Variants in HDAC9 observed in about 807,000 individuals in gnomAD.
The protein encoded by HDAC9 is MEF-2 interacting transcription repressor (MITR) protein.
A neutral mutation model predicts 139.4 loss-of-function variants in HDAC9; 41 were observed. The ratio of observed to expected loss-of-function variants is 0.29; its 90% CI spans 0.23 to 0.38. The LOEUF (loss-of-function observed/expected upper bound fraction) is 0.38, where lower values mean the gene tolerates loss of function less well. Among genes scored for constraint, HDAC9 ranks in the 10% least tolerant of loss-of-function variants. HDAC9 has a pLI of 1.00. For synonymous variants in HDAC9, 517 were observed against 476.2 expected, an observed-to-expected ratio of 1.09 and a Z score of -1.12; for missense variants, 1,147 against 1,297.0, an observed-to-expected ratio of 0.88 and a Z score of 1.78.
At chr7:18,415,674 A>G (rs1228774869) in intron 1 of HDAC9, among the ~76,000 whole-genome samples, 2 of 152,230 alleles carry the variant, frequency 1.3e-5, no homozygotes, top group Admixed American at 6.5e-5. Context: ...CCTGAACAGT[A>G]TATGAGAATG....
chr7:18,191,113 A>C (rs1790324563), intron 2 of HDAC9, among the ~76,000 whole-genome samples: 2 of 152,182 alleles, frequency 1.3e-5, no homozygotes, highest in Admixed American at 1.3e-4. Context: ...TTAACCATTA[A>C]TACCCTACTG....
intron 22 of HDAC9, among the ~76,000 whole-genome samples, chr7:18,921,864 G>C (rs1185601448): frequency 6.6e-6 from 1 of 152,066 alleles, no homozygotes; most frequent in East Asian, 1.9e-4. Flanking sequence ...TTAAGAAAAT[G>C]TGGCACATAT....
intron 2 of HDAC9, among the ~76,000 whole-genome samples, chr7:18,237,453 A>C (rs1297558301): frequency 1.3e-5 from 2 of 152,200 alleles, no homozygotes; most frequent in African/African-American, 4.8e-5. Flanking sequence ...TATTTCGAAT[A>C]AATGGGTGAT....
chr7:18,965,805 C>T (rs1035078798), intron 24 of HDAC9, among the ~76,000 whole-genome samples: 1 of 152,164 alleles, frequency 6.6e-6, no homozygotes, highest in Non-Finnish European at 1.5e-5. Flanking sequence ...AAAAACTCTC[C>T]AGGGGCACTG....
chr7:18,978,243 G>T (rs1487542102), intron 25 of HDAC9, among the ~76,000 whole-genome samples: 1 of 152,150 alleles, frequency 6.6e-6, no homozygotes, highest in Non-Finnish European at 1.5e-5. Context: ...TTGGTGTTTG[G>T]AGTGAGATGA....
intron 17 of HDAC9, among the ~76,000 whole-genome samples, chr7:18,806,003 G>A (rs1793675159): frequency 6.6e-6 from 1 of 152,164 alleles, no homozygotes; most frequent in Admixed American, 6.5e-5. Context: ...GGTCAGCTGA[G>A]GAGTTGGGGA....
intron 11 of HDAC9, among the ~76,000 whole-genome samples, chr7:18,661,661 A>G (rs946615915): frequency 1.5e-4 from 23 of 152,200 alleles, no homozygotes; most frequent in African/African-American, 5.3e-4. Flanking sequence ...AGCATTTTAT[A>G]TCTATATGTT....
intron 16 of HDAC9, among the ~76,000 whole-genome samples, chr7:18,778,769 C>T (rs887820106): frequency 6.6e-6 from 1 of 152,002 alleles, no homozygotes; most frequent in Non-Finnish European, 1.5e-5. Flanking sequence ...AGATGTAGCC[C>T]TTTCGCCAGA....
At chr7:18,883,482 T>A (rs929373558) in intron 22 of HDAC9, among the ~76,000 whole-genome samples, 2 of 152,110 alleles carry the variant, frequency 1.3e-5, no homozygotes, top group African/African-American at 4.8e-5. Flanking sequence ...TTTGACAAAT[T>A]CAATGTCCTT....
chr7:18,186,230 C>T (rs1359012211), intron 2 of HDAC9, among the ~76,000 whole-genome samples: 1 of 152,204 alleles, frequency 6.6e-6, no homozygotes, highest in Non-Finnish European at 1.5e-5. Flanking sequence ...AGCGCTAACC[C>T]TCTGTGAAGA....
At chr7:18,969,563 T>G (rs1248620522) in intron 24 of HDAC9, among the ~76,000 whole-genome samples, 1 of 151,864 alleles carries the variant, frequency 6.6e-6, no homozygotes, top group Non-Finnish European at 1.5e-5. Context: ...GGCAAATCAA[T>G]AAACAGAAAC....
At chr7:18,142,973 A>G (rs1222121765) in intron 1 of HDAC9, among the ~76,000 whole-genome samples, 1 of 152,156 alleles carries the variant, frequency 6.6e-6, no homozygotes, top group Non-Finnish European at 1.5e-5. Context: ...TGTGAGATAT[A>G]TTCAGTCCCT....
intron 2 of HDAC9, among the ~76,000 whole-genome samples, chr7:18,276,448 C>G (rs1158049714): frequency 6.6e-6 from 1 of 152,128 alleles, no homozygotes; most frequent in Non-Finnish European, 1.5e-5. Flanking sequence ...TTTGTGTCAG[C>G]TTCTTGATAT....
chr7:18,836,250 T>C (rs1044368699), intron 21 of HDAC9, among the ~76,000 whole-genome samples: 4 of 152,198 alleles, frequency 2.6e-5, no homozygotes, highest in Admixed American at 6.5e-5. Context: ...AATAGTTCTC[T>C]CTGGAAAATT....
At chr7:18,240,555 G>A (rs761163538) in intron 2 of HDAC9, among the ~76,000 whole-genome samples, 10 of 152,180 alleles carry the variant, frequency 6.6e-5, no homozygotes, top group East Asian at 1.9e-4. Context: ...TCTCACAGTC[G>A]TCTCCTAATT....
At chr7:18,553,344 C>T (rs953595735) in intron 2 of HDAC9, among the ~76,000 whole-genome samples, 21 of 152,166 alleles carry the variant, frequency 1.4e-4, no homozygotes, top group African/African-American at 5.1e-4. Context: ...GGGTGCTTTT[C>T]CCCCCTCAAG....
chr7:18,262,332 G>A (rs1337331893), intron 2 of HDAC9, among the ~76,000 whole-genome samples: 1 of 152,192 alleles, frequency 6.6e-6, no homozygotes, highest in African/African-American at 2.4e-5. Flanking sequence ...ACAGTGGCAT[G>A]ACATATTCAA....
intron 3 of HDAC9, among the ~76,000 whole-genome samples, chr7:18,586,581 A>G (rs1313191024): frequency 6.6e-6 from 1 of 152,098 alleles, no homozygotes; most frequent in Non-Finnish European, 1.5e-5. Flanking sequence ...TACCACATTA[A>G]TATGACAGTT....
At chr7:18,261,225 T>G (rs1021555040) in intron 2 of HDAC9, among the ~76,000 whole-genome samples, 2 of 152,100 alleles carry the variant, frequency 1.3e-5, no homozygotes, top group Non-Finnish European at 2.9e-5. Context: ...AGAGGATTGG[T>G]TGAGCCTGGA....
Sources: allele counts gnomAD v4.1 joint callset (sites outside exome capture counted in the v4.1 genomes callset), GRCh38; gene constraint gnomAD v4.1.1; transcripts MANE v1.5; gene names NCBI Gene and HGNC (gene_info 2026-07-23, HGNC 2026-07-21).